Variants in KCNN3 observed in about 807,000 individuals in gnomAD.
KCNN3 encodes potassium calcium-activated channel subfamily N member 3, also known as small conductance calcium-activated potassium channel protein 3.
In KCNN3, 16 loss-of-function variants were observed where a neutral mutation model predicts 62.9. The observed-to-expected ratio is 0.25, with a 90% CI of 0.17 to 0.39. The LOEUF is 0.39. KCNN3 is among the 10% of genes least tolerant of loss of function. KCNN3 has a pLI of 1.00. For synonymous variants in KCNN3, 370 were observed against 389.2 expected, an observed-to-expected ratio of 0.95 and a Z score of 0.58; for missense variants, 599 against 949.4, an observed-to-expected ratio of 0.63 and a Z score of 4.85.
At chr1:154,742,768 G>A (rs1438678890) in intron 3 of KCNN3, among the ~76,000 whole-genome samples, 1 of 152,224 alleles carries the variant, frequency 6.6e-6, no homozygotes, top group Non-Finnish European at 1.5e-5. Context: ...AGGAGTGAAT[G>A]TGCACGGGCT....
At chr1:154,724,842 G>T (rs1700426186) in intron 5 of KCNN3, among the ~76,000 whole-genome samples, 1 of 151,826 alleles carries the variant, frequency 6.6e-6, no homozygotes, top group South Asian at 2.1e-4. Flanking sequence ...AGGGATGTGG[G>T]CTCTACTAGA....
At position 154,726,152 on chromosome 1, in the gene KCNN3, C is replaced by G. The variant is rs759664061; in HGVS notation, c.1591-126G>C. The G allele has an allele frequency of 4.9e-5, 34 of 689,256 alleles. No individual in the cohort carries two copies. The Middle Eastern group carries it at 5.6e-3, about 113-fold the overall frequency. The allele number at this position is 689,256 out of a possible 1,614,324, so 42.7% of individuals were successfully genotyped here. A position where few individuals can be genotyped will look rare whatever the true frequency, so the allele number is the denominator to read the frequency against. On this transcript the variant is annotated intron_variant, in intron 4 of 7. Transcript: ENST00000271915. ...GGAGTGGAGTGGGAACTTGAGCTCT[C>G]TGGCTGGTCACGACCAAGCCACAAA...
intron 2 of KCNN3, among the ~76,000 whole-genome samples, chr1:154,817,160 AC>A (rs2101890126): frequency 6.6e-6 from 1 of 152,220 alleles, no homozygotes; most frequent in East Asian, 1.9e-4. Context: ...ATTCAAACCT[AC>A]CCCCAAAGGC....
At chr1:154,811,191 G>A (rs1650392695) in intron 2 of KCNN3, among the ~76,000 whole-genome samples, 1 of 152,156 alleles carries the variant, frequency 6.6e-6, no homozygotes, top group Admixed American at 6.5e-5. Context: ...AGGGCGATGG[G>A]ACAGGGTAAA....
chr1:154,760,567 G>A (rs1412505783), intron 3 of KCNN3, among the ~76,000 whole-genome samples: 4 of 152,170 alleles, frequency 2.6e-5, no homozygotes, highest in South Asian at 2.1e-4. Flanking sequence ...CCTGCAGGTG[G>A]GGACACCGCC....
At chr1:154,810,859 C>G (rs1433964142) in intron 2 of KCNN3, among the ~76,000 whole-genome samples, 1 of 152,248 alleles carries the variant, frequency 6.6e-6, no homozygotes, top group Non-Finnish European at 1.5e-5. Flanking sequence ...GGACGGGCCT[C>G]TCTCCCCCAG....
intron 1 of KCNN3, among the ~76,000 whole-genome samples, chr1:154,822,780 G>A (rs1650955574): frequency 6.6e-6 from 1 of 152,242 alleles, no homozygotes; most frequent in Non-Finnish European, 1.5e-5. Context: ...CAGGAGCAGA[G>A]AGGGGTCCTG....
intron 2 of KCNN3, among the ~76,000 whole-genome samples, chr1:154,779,004 G>A (rs917049705): frequency 6.6e-5 from 10 of 152,232 alleles, no homozygotes; most frequent in African/African-American, 2.2e-4. Flanking sequence ...TTTAAAAAAT[G>A]TCATCGCCAT....
At chr1:154,713,557 C>A (rs538883809) in intron 6 of KCNN3, 24 bp from the exon 7 acceptor site, 4 of 1,593,826 alleles carry the variant, frequency 2.5e-6, no homozygotes, top group South Asian at 1.1e-5. Context: ...TGGTAACAGG[C>A]AAGCCCTTCA....
At position 154,707,716 on chromosome 1, in the gene KCNN3, A is replaced by G. The variant is rs906316820; in HGVS notation, c.*260T>C. 2.2e-6 allele frequency: 1 copy of G among 451,546 alleles called. No individual in the cohort carries two copies. Among genetic ancestry groups the G allele is most frequent in the African/African-American group, 2.0e-5 (1 of 50,126 alleles). The allele number at this position is 451,546 out of a possible 1,614,324, so 28.0% of individuals were successfully genotyped here. A position where few individuals can be genotyped will look rare whatever the true frequency, so the allele number is the denominator to read the frequency against. ...GATTTCTGTTCTCCACCAACTCTGC[A>G]GCAAGGGCCCTGCCAGAGGCGTCGC... On this transcript the variant is annotated 3_prime_UTR_variant, in exon 8 of 8. Transcript: ENST00000271915.
intron 1 of KCNN3, chr1:154,859,701 A>G (rs1360095210): frequency 6.2e-7 from 1 of 1,614,166 alleles, no homozygotes; most frequent in East Asian, 2.2e-5. Context: ...CCACCTTTAT[A>G]GGTCTCTCCA....
chr1:154,800,365 C>T (rs1030257886), intron 2 of KCNN3, among the ~76,000 whole-genome samples: 9 of 152,206 alleles, frequency 5.9e-5, no homozygotes, highest in African/African-American at 1.4e-4. Flanking sequence ...TATTGGTACA[C>T]GGCGGTGGCC....
At chr1:154,716,225 A>C (rs1700231449) in intron 5 of KCNN3, among the ~76,000 whole-genome samples, 1 of 152,228 alleles carries the variant, frequency 6.6e-6, no homozygotes, top group Non-Finnish European at 1.5e-5. Flanking sequence ...CCAAACACAG[A>C]CATCTTCAGC....
intron 2 of KCNN3, among the ~76,000 whole-genome samples, chr1:154,782,044 CA>C (rs1247201649): frequency 1.5e-4 from 23 of 152,176 alleles, no homozygotes; most frequent in African/African-American, 5.5e-4. Flanking sequence ...ACAGCATGTG[CA>C]AAAACCCCAA....
intron 3 of KCNN3, among the ~76,000 whole-genome samples, chr1:154,758,689 T>C (rs1647854672): frequency 6.6e-6 from 1 of 152,118 alleles, no homozygotes; most frequent in African/African-American, 2.4e-5. Context: ...ACTCAAGGAA[T>C]ATGGCATGTC....
At chr1:154,821,535 G>A (rs1040584641) in intron 2 of KCNN3, among the ~76,000 whole-genome samples, 1 of 152,212 alleles carries the variant, frequency 6.6e-6, no homozygotes, top group Non-Finnish European at 1.5e-5. Flanking sequence ...CTCCTGGGCA[G>A]CAAGAAACAG....
At position 154,699,341 on chromosome 1, in the gene KCNN3, A is replaced by G. The variant is rs1699804833; in HGVS notation, c.*8635T>C. 1 of 152,192 alleles carries G rather than the reference A, an allele frequency of 6.6e-6. No individual in the cohort carries two copies. The highest frequency in any genetic ancestry group is 1.5e-5 in the Non-Finnish European group (1 of 68,034). The allele number at this position is 152,192 out of a possible 1,614,324, so 9.4% of individuals were successfully genotyped here. A position where few individuals can be genotyped will look rare whatever the true frequency, so the allele number is the denominator to read the frequency against. On this transcript the variant is annotated 3_prime_UTR_variant, in exon 8 of 8. Coordinates refer to ENST00000271915, the MANE Select transcript of KCNN3 (RefSeq NM_002249.6). ...AAGAAATGGAGCTGTGAATAGCAAT[A>G]TGATATATTATGAAGCATTTATATA...
chr1:154,713,416 C>G, intron 7 of KCNN3, 48 bp downstream of exon 7: 1 of 1,477,464 alleles, frequency 6.8e-7, no homozygotes, highest in Non-Finnish European at 9.5e-7. Context: ...CCTGAGAAGA[C>G]TCAGTGTCTG....
chr1:154,749,979 T>C (rs1049118057), intron 3 of KCNN3, among the ~76,000 whole-genome samples: 37 of 152,002 alleles, frequency 2.4e-4, no homozygotes, highest in African/African-American at 8.2e-4. Context: ...TTTCTGGGAG[T>C]GGGCTCTGGC....
Sources: gnomAD v4.1 joint callset for allele counts (sites outside exome capture counted in the v4.1 genomes callset) on GRCh38, gnomAD v4.1.1 for gene constraint, MANE v1.5 for transcripts, NCBI Gene and HGNC (gene_info 2026-07-23, HGNC 2026-07-21) for gene names.